Variants in CSMD1 observed in about 807,000 individuals in gnomAD.
CSMD1 encodes CUB and sushi domain-containing protein 1.
In CSMD1, 213 loss-of-function variants were observed where a neutral mutation model predicts 417.5. That is an observed-to-expected ratio of 0.51 (90% confidence interval 0.46 to 0.57). The LOEUF (loss-of-function observed/expected upper bound fraction) is 0.57. Ranked by LOEUF, CSMD1 falls within the 20% of genes least tolerant of loss-of-function variation. The pLI, the probability that CSMD1 is intolerant of heterozygous loss-of-function variation, is 0.00. For missense variants in CSMD1, 6,923 were observed against 4,529.7 expected (o/e 1.53, Z -15.17); for synonymous variants, 2,862 against 1,736.8 (o/e 1.65, Z -16.11).
At chr8:4,025,683 G>A (rs139788665) in intron 4 of CSMD1, among the ~76,000 whole-genome samples, 12 of 152,196 alleles carry the variant, frequency 7.9e-5, no homozygotes, top group Admixed American at 6.5e-4. Context: ...AAAGACTCAA[G>A]AATAACGAAT....
rs760142571 is a variant in CSMD1 at position 4,994,410 on chromosome 8, C to G, written c.7G>C (p.Ala3Pro). 2 of 1,612,048 alleles carry G rather than the reference C, an allele frequency of 1.2e-6. No individual in the cohort carries two copies. Among genetic ancestry groups the G allele is most frequent in the Non-Finnish European group, 1.7e-6 (2 of 1,179,760 alleles). The change falls in exon 1 of 70, where the codon GCG (alanine) becomes CCG (proline). Residue 3 changes from alanine to proline, a missense_variant. Ala to Pro is a conservative substitution (Grantham distance 27). Coordinates refer to ENST00000635120, the MANE Select transcript of CSMD1 (RefSeq NM_033225.6). ...AGCAGCGACTGGAATCTCCTCCACG[C>G]AGTCATGTCTGCAGATACTCCACAC... MT[A>P]WRRFQSLLLL...
chr8:3,423,820 T>G (rs1024376215), intron 12 of CSMD1, among the ~76,000 whole-genome samples: 2 of 152,218 alleles, frequency 1.3e-5, no homozygotes, highest in Non-Finnish European at 2.9e-5. Context: ...CTCAGCGACC[T>G]TGTCTCTCCT....
At chr8:4,769,554 A>G (rs1230780896) in intron 1 of CSMD1, among the ~76,000 whole-genome samples, 2 of 152,242 alleles carry the variant, frequency 1.3e-5, no homozygotes, top group African/African-American at 2.4e-5. Context: ...CTATGTCACC[A>G]AACAGCAATT....
At chr8:4,476,623 C>T (rs1297012587) in intron 2 of CSMD1, among the ~76,000 whole-genome samples, 1 of 152,128 alleles carries the variant, frequency 6.6e-6, no homozygotes, top group African/African-American at 2.4e-5. Flanking sequence ...TTTGAGACTG[C>T]CTTTAGAAAT....
intron 1 of CSMD1, among the ~76,000 whole-genome samples, chr8:4,639,295 C>G (rs1803051108): frequency 7.3e-6 from 1 of 137,738 alleles, no homozygotes; most frequent in Non-Finnish European, 1.5e-5. Context: ...CTGTAACAGT[C>G]TGCCTCTGAT....
intron 23 of CSMD1, among the ~76,000 whole-genome samples, chr8:3,328,376 C>G (rs954792777): frequency 6.6e-6 from 1 of 152,220 alleles, no homozygotes; most frequent in Non-Finnish European, 1.5e-5. Flanking sequence ...CCCTAAGTGA[C>G]TTTTACAGTT....
intron 26 of CSMD1, among the ~76,000 whole-genome samples, chr8:3,243,739 A>T (rs1799697401): frequency 6.6e-6 from 1 of 151,200 alleles, no homozygotes; most frequent in African/African-American, 2.4e-5. Context: ...TGAAAATTAC[A>T]AATATTATTT....
intron 1 of CSMD1, among the ~76,000 whole-genome samples, chr8:4,920,491 A>G (rs1806362485): frequency 6.6e-6 from 1 of 152,298 alleles, no homozygotes; most frequent in African/African-American, 2.4e-5. Context: ...TTTCTCAGGA[A>G]TCAAGGATTT....
intron 1 of CSMD1, among the ~76,000 whole-genome samples, chr8:4,659,389 G>T (rs1048476295): frequency 6.6e-6 from 1 of 152,106 alleles, no homozygotes; most frequent in Non-Finnish European, 1.5e-5. Context: ...ATTTAAAAAT[G>T]CAGAACAGCA....
intron 5 of CSMD1, among the ~76,000 whole-genome samples, chr8:3,977,276 G>C (rs952536330): frequency 1.3e-5 from 2 of 152,194 alleles, no homozygotes; most frequent in East Asian, 3.9e-4. Flanking sequence ...ATGATCCAAG[G>C]AGATTGTGGG....
chr8:3,354,888 T>TATATATCTATA (rs1491403926), intron 21 of CSMD1, among the ~76,000 whole-genome samples: 1 of 146,748 alleles, frequency 6.8e-6, no homozygotes. Context: ...TCTATAGATA[T>TATATATCTATA]GTCTATCTAT....
chr8:4,675,892 T>C (rs1805652742), intron 1 of CSMD1, among the ~76,000 whole-genome samples: 2 of 152,310 alleles, frequency 1.3e-5, no homozygotes, highest in South Asian at 4.1e-4. Flanking sequence ...GTATCTAAAC[T>C]ATCATACTAG....
intron 5 of CSMD1, among the ~76,000 whole-genome samples, chr8:3,881,735 T>C (rs914698050): frequency 6.6e-6 from 1 of 151,402 alleles, no homozygotes; most frequent in Non-Finnish European, 1.5e-5. Context: ...CTACCAGTTA[T>C]CAAAATTTAC....
intron 3 of CSMD1, among the ~76,000 whole-genome samples, chr8:4,391,661 G>GA (rs1293544326): frequency 1.3e-5 from 2 of 152,052 alleles, no homozygotes; most frequent in African/African-American, 4.8e-5. Context: ...TGAGAAGTGG[G>GA]AAGACGGCTT....
intron 30 of CSMD1, among the ~76,000 whole-genome samples, chr8:3,209,884 C>T (rs1797505103): frequency 6.6e-6 from 1 of 152,030 alleles, no homozygotes; most frequent in African/African-American, 2.4e-5. Context: ...TAAAAGCAAC[C>T]ACATAGAACC....
intron 1 of CSMD1, among the ~76,000 whole-genome samples, chr8:4,807,014 C>G (rs1413610522): frequency 6.6e-6 from 1 of 152,190 alleles, no homozygotes; most frequent in Non-Finnish European, 1.5e-5. Flanking sequence ...CAAATGTTAT[C>G]TGGACTACCT....
intron 2 of CSMD1, among the ~76,000 whole-genome samples, chr8:4,439,196 A>G (rs1244065530): frequency 6.6e-6 from 1 of 152,154 alleles, no homozygotes; most frequent in Non-Finnish European, 1.5e-5. Flanking sequence ...TTTATTAAAC[A>G]CATTGCAAAT....
chr8:3,157,623 CAT>C (rs972250516), intron 39 of CSMD1, among the ~76,000 whole-genome samples: 40 of 152,306 alleles, frequency 2.6e-4, no homozygotes, highest in African/African-American at 8.7e-4. Context: ...TTCTGACACA[CAT>C]GTCGTTTTGG....
intron 5 of CSMD1, among the ~76,000 whole-genome samples, chr8:3,798,313 T>C (rs151206032): frequency 1.3e-4 from 20 of 152,178 alleles, no homozygotes; most frequent in Admixed American, 1.3e-3. Context: ...GTGCTTCGTC[T>C]ATCTTAAGAC....
Sources: allele counts gnomAD v4.1 joint callset (sites outside exome capture counted in the v4.1 genomes callset), GRCh38; gene constraint gnomAD v4.1.1; transcripts MANE v1.5; gene names NCBI Gene and HGNC (gene_info 2026-07-23, HGNC 2026-07-21).